Variants in KCNA3 observed in about 807,000 individuals in gnomAD.
KCNA3 encodes the protein RP11-284N8.3.
In KCNA3, 18 loss-of-function variants were observed where a neutral mutation model predicts 34.3. The observed-to-expected ratio is 0.52, with a 90% confidence interval of 0.36 to 0.78. The LOEUF (loss-of-function observed/expected upper bound fraction) is 0.78. Ranked by LOEUF, KCNA3 falls within the 30% of genes least tolerant of loss-of-function variation. The pLI is 0.00. For synonymous variants in KCNA3, 324 were observed against 351.7 expected, an observed-to-expected ratio of 0.92 and a Z score of 0.88; for missense variants, 587 against 802.5, an observed-to-expected ratio of 0.73 and a Z score of 3.24.
chr1:110,670,319 G>A (rs752627392), downstream of KCNA3, among the ~76,000 whole-genome samples: 4 of 152,114 alleles, frequency 2.6e-5, no homozygotes, highest in Non-Finnish European at 5.9e-5. Context: ...GTGACTACAA[G>A]CAATCATATT....
At chr1:110,667,220 G>A in the KCNA3 span, among the ~76,000 whole-genome samples, 1 of 152,108 alleles carries the variant, frequency 6.6e-6, no homozygotes, top group Non-Finnish European at 1.5e-5. Context: ...TAAATGTAAT[G>A]GAAGACAAAT....
chr1:110,672,999 A>G lies in KCNA3; in HGVS notation c.*83T>C, dbSNP rs1651942323. The stretch of plus-strand genomic sequence containing the variant: ...GTCCTTTCCTTGATGAATGGTCTGG[A>G]AATGTATAAAACAAGGGCATAGGCA... On this transcript the variant is annotated 3_prime_UTR_variant, in exon 1 of 1. Transcript: ENST00000369769. 1 of 1,310,920 alleles carries G rather than the reference A, an allele frequency of 7.6e-7. No homozygotes were observed. The highest frequency in any genetic ancestry group is 1.1e-6 in the Non-Finnish European group (1 of 944,616). 81.2% of individuals were successfully genotyped at this position (1,310,920 alleles called of 1,614,324 possible). A position where few individuals can be genotyped will look rare whatever the true frequency, so the allele number is the denominator to read the frequency against.
At position 110,673,703 on chromosome 1, in the gene KCNA3, T is replaced by C. The variant is rs374352139; in HGVS notation, c.1107A>G (p.Val369=). 1.1e-5 allele frequency: 17 copies of C among 1,614,042 alleles called. No homozygotes were observed. The African/African-American group carries it at 1.7e-4, about 16-fold the overall frequency. Residue 369 remains valine (V), a synonymous_variant, in exon 1 of 1, where the codon GTA becomes GTG. Transcript: ENST00000369769. This position sits in a 1 kb window ranked among gnomAD's most constrained non-coding sequence, Gnocchi z 8.8. ...SLAILRVIRL[V]RVFRIFKLSR... is the part of the protein sequence containing the mutation. ...ACAGCTTGAAGATGCGGAAGACCCT[T>C]ACCAGGCGGATGACCCTCAGGATGG...
downstream of KCNA3, chr1:110,672,405 A>C (rs1186796126): frequency 1.3e-5 from 2 of 152,666 alleles, no homozygotes; most frequent in East Asian, 3.8e-4. Context: ...CTGTTAGTCT[A>C]ATGCTTTAGA....
At chr1:110,658,944 A>G in the KCNA3 span, among the ~76,000 whole-genome samples, 1 of 152,314 alleles carries the variant, frequency 6.6e-6, no homozygotes, top group South Asian at 2.1e-4. Context: ...ATTTTGATTA[A>G]AAAATAAAAG....
the KCNA3 span, chr1:110,653,951 C>T: frequency 6.6e-6 from 1 of 151,956 alleles, no homozygotes; most frequent in South Asian, 2.1e-4. Context: ...TTTTAAATTC[C>T]AATATAATAA....
chr1:110,668,961 T>C (rs1651786750), downstream of KCNA3, among the ~76,000 whole-genome samples: 2 of 152,222 alleles, frequency 1.3e-5, no homozygotes, highest in Admixed American at 6.5e-5. Context: ...TCCATTTTCA[T>C]TTCATAAATG....
rs371468592 is a variant in KCNA3, at chr1:110,674,027, G to A, written c.783C>T (p.Asp261=). The A allele has an allele frequency of 1.4e-5, 22 of 1,609,204 alleles. No individual in the cohort carries two copies. In the African/African-American group the frequency reaches 1.6e-4, roughly 12 times the overall value. The part of the protein sequence containing the change: ...FCLETLPEFR[D]EKDYPASTSQ... ...ACGTCGAGGCGGGGTAGTCCTTCTC[G>A]TCGCGGAACTCCGGCAGCGTCTCCA... Residue 261 remains aspartate, a synonymous_variant, in exon 1 of 1, where the codon GAC becomes GAT. Transcript: ENST00000369769. This position sits in a 1 kb window ranked among gnomAD's most constrained non-coding sequence, Gnocchi z 6.4.
At chr1:110,668,498 T>C (rs1651767532), downstream of KCNA3, among the ~76,000 whole-genome samples, 1 of 152,096 alleles carries the variant, frequency 6.6e-6, no homozygotes, top group African/African-American at 2.4e-5. Flanking sequence ...AAAAGGTAAA[T>C]AACAAGTTTT....
In KCNA3 at chr1:110,674,727, C is replaced by T; in HGVS notation, c.83G>A (p.Ser28Asn). The T allele has an allele frequency of 6.9e-7, 1 of 1,445,378 alleles. No homozygotes were observed. The highest frequency in any genetic ancestry group is 9.0e-7 in the Non-Finnish European group (1 of 1,108,092). 89.5% of individuals were successfully genotyped at this position (1,445,378 alleles called of 1,614,324 possible). ...HRAHPPQRPA[S>N]SGGAHTLVNH... is the part of the protein sequence containing the mutation. Reference sequence around the variant, plus strand: ...CACCAGCGTGTGGGCACCGCCGCTGCTCGCTGGGCGCTGAGGAGGGTGGGC... The same window carrying T: ...CACCAGCGTGTGGGCACCGCCGCTGTTCGCTGGGCGCTGAGGAGGGTGGGC... Residue 28 changes from serine to asparagine, a missense_variant, in exon 1 of 1, where the codon AGC (serine) becomes AAC (asparagine). By Grantham distance (46) the Ser-to-Asn change is conservative. Around this residue, in one of 7 missense-constraint regions of KCNA3, gnomAD observed 341 missense variants for 355.4 expected, o/e 0.96. Transcript: ENST00000369769. The surrounding 1 kb of genome is among the most constrained non-coding windows in gnomAD (Gnocchi z 6.4).
At chr1:110,656,893 C>T in the KCNA3 span, 1 of 151,962 alleles carries the variant, frequency 6.6e-6, no homozygotes, top group Admixed American at 6.6e-5. Context: ...TTTTTTGATC[C>T]CATTATAGAT....
the KCNA3 span, among the ~76,000 whole-genome samples, chr1:110,662,085 C>A: frequency 2.3e-5 from 3 of 131,128 alleles, no homozygotes; most frequent in Admixed American, 1.8e-4. Flanking sequence ...TGCACTCCAG[C>A]CTGGGTGACA....
the KCNA3 span, among the ~76,000 whole-genome samples, chr1:110,665,924 G>A: frequency 6.6e-6 from 1 of 152,144 alleles, no homozygotes; most frequent in Non-Finnish European, 1.5e-5. Flanking sequence ...CACTTTTGGT[G>A]GAATGATAGC....
chr1:110,658,781 A>G, the KCNA3 span, among the ~76,000 whole-genome samples: 1 of 152,278 alleles, frequency 6.6e-6, no homozygotes, highest in African/African-American at 2.4e-5. Context: ...TGAAAACAAA[A>G]TTAAATGAAT....
chr1:110,654,699 A>C, the KCNA3 span: 1 of 152,288 alleles, frequency 6.6e-6, no homozygotes, highest in Admixed American at 6.5e-5. Context: ...TTGCACTAAA[A>C]TCTGAAAATT....
downstream of KCNA3, among the ~76,000 whole-genome samples, chr1:110,670,502 G>A (rs1651849470): frequency 6.6e-6 from 1 of 152,086 alleles, no homozygotes; most frequent in South Asian, 2.1e-4. Context: ...AATTGTCATT[G>A]CACTTCCTCC....
Position 110,674,573 on chromosome 1 carries a change from G to A in KCNA3, c.237C>T (p.Gly79=), listed in dbSNP as rs776448082. ...GCTCGTAGCGGTCGCAGCCGCCGCC[G>A]CCACAGCCGCCTTGAGGCGGGGCCC... is the stretch of plus-strand genomic sequence containing the variant. ...GGGAPPQGGC[G]GGGCDRYEPL... Residue 79 remains glycine (G), a synonymous_variant, in exon 1 of 1, where the codon GGC becomes GGT. Coordinates refer to ENST00000369769, the MANE Select transcript of KCNA3 (RefSeq NM_002232.5). The surrounding 1 kb of genome is among the most constrained non-coding windows in gnomAD (Gnocchi z 6.4). 3 of 1,571,564 alleles carry A rather than the reference G, an allele frequency of 1.9e-6. No homozygotes were observed. Among genetic ancestry groups the A allele is most frequent in the Admixed American group, 1.9e-5 (1 of 53,750 alleles).
downstream of KCNA3, among the ~76,000 whole-genome samples, chr1:110,671,191 G>A (rs763228685): frequency 6.6e-6 from 1 of 152,002 alleles, no homozygotes; most frequent in Non-Finnish European, 1.5e-5. Flanking sequence ...GGCCAAGTGG[G>A]TTAGTAAAAG....
chr1:110,662,006 G>A, the KCNA3 span, among the ~76,000 whole-genome samples: 6 of 151,302 alleles, frequency 4.0e-5, no homozygotes, highest in Non-Finnish European at 7.4e-5. Flanking sequence ...ACAGCTACCC[G>A]GGAGGCTGAG....
Sources: allele counts gnomAD v4.1 joint callset (sites outside exome capture counted in the v4.1 genomes callset), GRCh38; gene constraint gnomAD v4.1.1; regional missense constraint gnomAD v4.1.1; non-coding constraint Gnocchi (gnomAD v3.1); transcripts MANE v1.5; gene names NCBI Gene and HGNC (gene_info 2026-07-23, HGNC 2026-07-21).